The following ADIPOR2 variants were observed in gnomAD, a reference collection of about 807,000 sequenced individuals.
The protein encoded by ADIPOR2 is adiponectin receptor 2.
A neutral mutation model predicts 40.9 loss-of-function variants in ADIPOR2; 18 were observed. That is an observed-to-expected ratio of 0.44 (90% CI 0.30 to 0.65). The LOEUF (loss-of-function observed/expected upper bound fraction) is 0.65, where lower values mean the gene tolerates loss of function less well. ADIPOR2 is among the 30% of genes least tolerant of loss of function. ADIPOR2 has a pLI of 0.09. For synonymous variants in ADIPOR2, 165 were observed against 166.4 expected, an observed-to-expected ratio of 0.99 and a Z score of 0.06; for missense variants, 283 against 479.2, an observed-to-expected ratio of 0.59 and a Z score of 3.82.
intron 1 of ADIPOR2, among the ~76,000 whole-genome samples, chr12:1,721,458 C>T (rs143975852): frequency 0.022 from 3,283 of 152,134 alleles, 44 homozygotes; most frequent in Middle Eastern, 0.085. Context: ...TCAACTGATC[C>T]GCTTGCCTTG....
chr12:1,777,736 T>C, intron 3 of ADIPOR2, 118 bp from the exon 4 acceptor site: 1 of 987,398 alleles, frequency 1.0e-6, no homozygotes, highest in South Asian at 1.8e-5. Flanking sequence ...TTTGCCTTTT[T>C]AAAAATGAAT....
At chr12:1,780,778 T>A in intron 5 of ADIPOR2, 111 bp from the exon 6 acceptor site, 1 of 1,365,312 alleles carries the variant, frequency 7.3e-7, no homozygotes, top group East Asian at 2.4e-5. Context: ...GCAACCCAGT[T>A]TGGCTCTTAG....
At chr12:1,728,630 A>G (rs945659774) in intron 1 of ADIPOR2, among the ~76,000 whole-genome samples, 18 of 151,942 alleles carry the variant, frequency 1.2e-4, no homozygotes, top group African/African-American at 4.3e-4. Flanking sequence ...AGGCTGAAGC[A>G]GGAGAATTGC....
chr12:1,714,194 T>G (rs1799981422), intron 1 of ADIPOR2, among the ~76,000 whole-genome samples: 1 of 152,170 alleles, frequency 6.6e-6, no homozygotes, highest in Admixed American at 6.5e-5. Flanking sequence ...AACCGGGTGA[T>G]TGGCCTGCTC....
intron 1 of ADIPOR2, among the ~76,000 whole-genome samples, chr12:1,723,467 A>G (rs1293592108): frequency 2.9e-5 from 1 of 34,582 alleles, no homozygotes; most frequent in Non-Finnish European, 1.2e-4. Context: ...TCTACTGAAA[A>G]AAAAAAAAAA....
intron 2 of ADIPOR2, among the ~76,000 whole-genome samples, chr12:1,761,247 T>C (rs903407223): frequency 6.6e-6 from 1 of 152,210 alleles, no homozygotes; most frequent in Non-Finnish European, 1.5e-5. Flanking sequence ...TACTGTACTA[T>C]AGTTTATCCA....
At chr12:1,693,700 AT>A (rs946482482) in intron 1 of ADIPOR2, among the ~76,000 whole-genome samples, 6 of 147,430 alleles carry the variant, frequency 4.1e-5, no homozygotes, top group South Asian at 2.1e-4. Context: ...AGCCCGGCCA[AT>A]TTTTTTTTTG....
intron 3 of ADIPOR2, among the ~76,000 whole-genome samples, chr12:1,774,523 T>G (rs11614639): frequency 0.46 from 69,435 of 152,018 alleles, 16,043 homozygotes; most frequent in Admixed American, 0.57. Context: ...GGGATTCTAT[T>G]TCTTGGACTG....
intron 1 of ADIPOR2, chr12:1,695,954 A>G (rs1350704713): frequency 2.0e-5 from 3 of 152,596 alleles, no homozygotes; most frequent in African/African-American, 7.3e-5. Flanking sequence ...CTAATCATCA[A>G]AGTTCTTCTT....
chr12:1,744,509 T>A lies in ADIPOR2; in HGVS notation c.-86-9749T>A, dbSNP rs1213206428. On this transcript the variant is annotated intron_variant, in intron 1 of 7. Transcript: ENST00000357103. ...TACCGCCATGACCGGCTAATTTTTG[T>A]ATTTTTTTGTAGAGATGGGGTTTCA... is the stretch of plus-strand genomic sequence containing the variant. Among the ~76,000 whole-genome samples, 5 of 152,142 alleles carry A rather than the reference T, an allele frequency of 3.3e-5. No individual in the cohort carries two copies. The East Asian group carries it at 7.7e-4, about 23-fold the overall frequency.
chr12:1,697,272 C>T (rs1330210578), intron 1 of ADIPOR2: 1 of 152,198 alleles, frequency 6.6e-6, no homozygotes, highest in Admixed American at 6.5e-5. Flanking sequence ...TTCCTGGGCA[C>T]TTTTCATAAC....
In ADIPOR2 at chr12:1,785,795, A is replaced by C. The variant is rs115753797; in HGVS notation, c.1033-149A>C. 1.2e-3 allele frequency: 1,324 copies of C among 1,079,036 alleles called. 12 individuals are homozygous for C. In the African/African-American group the frequency reaches 0.019, roughly 15 times the overall value. 66.8% of individuals were successfully genotyped at this position (1,079,036 alleles called of 1,614,324 possible). On this transcript the variant is annotated intron_variant, in intron 7 of 7. Transcript: ENST00000357103. ...TGTTACACCTAATGGATGTTCCAGG[A>C]TCTGTGGACGCCTTGAATTTGAGCT... is the stretch of plus-strand genomic sequence containing the variant.
chr12:1,745,575 T>C (rs2094753232), intron 1 of ADIPOR2, among the ~76,000 whole-genome samples: 2 of 152,244 alleles, frequency 1.3e-5, no homozygotes, highest in Admixed American at 1.3e-4. Flanking sequence ...AGTCTGCTAC[T>C]GCAGGCTTCA....
chr12:1,735,363 A>C (rs2094728194), intron 1 of ADIPOR2, among the ~76,000 whole-genome samples: 1 of 152,310 alleles, frequency 6.6e-6, no homozygotes, highest in South Asian at 2.1e-4. Flanking sequence ...AGCAATTGTG[A>C]ATGGGAGTTC....
At chr12:1,721,208 T>A (rs2094697294) in intron 1 of ADIPOR2, among the ~76,000 whole-genome samples, 3 of 6,548 alleles carry the variant, frequency 4.6e-4, no homozygotes, top group South Asian at 0.012. Context: ...AAATAAACTT[T>A]TTTTTTTTTT....
At chr12:1,777,382 C>CTTTTTTTTTT (rs59141974) in intron 3 of ADIPOR2, among the ~76,000 whole-genome samples, 2 of 98,744 alleles carry the variant, frequency 2.0e-5, no homozygotes, top group African/African-American at 3.6e-5. Context: ...TTTTTTCTTT[C>CTTTTTTTTTT]TTTTTTTTTT....
At chr12:1,709,659 T>C (rs1303120382) in intron 1 of ADIPOR2, among the ~76,000 whole-genome samples, 2 of 152,148 alleles carry the variant, frequency 1.3e-5, no homozygotes, top group African/African-American at 2.4e-5. Context: ...AGTGGAGACA[T>C]GTAGAGATCA....
At chr12:1,767,058 T>C (rs528858304) in intron 2 of ADIPOR2, among the ~76,000 whole-genome samples, 1 of 151,744 alleles carries the variant, frequency 6.6e-6, no homozygotes, top group Non-Finnish European at 1.5e-5. Context: ...TCACCTGAGG[T>C]CAGGAGTTCG....
At chr12:1,770,844 G>C (rs376425710) in intron 2 of ADIPOR2, among the ~76,000 whole-genome samples, 1 of 152,090 alleles carries the variant, frequency 6.6e-6, no homozygotes. Context: ...AGAAGAAACA[G>C]AAGTCAGAAG....
Sources: gnomAD v4.1 joint callset for allele counts (sites outside exome capture counted in the v4.1 genomes callset) on GRCh38, gnomAD v4.1.1 for gene constraint, MANE v1.5 for transcripts, NCBI Gene and HGNC (gene_info 2026-07-23, HGNC 2026-07-21) for gene names.